MDN1: variants seen among roughly 807,000 people sequenced by gnomAD.
The protein encoded by MDN1 is midasin.
In MDN1, 266 loss-of-function variants were observed where a neutral mutation model predicts 669.2. That is an observed-to-expected ratio of 0.40 (90% CI 0.36 to 0.44). The LOEUF (loss-of-function observed/expected upper bound fraction) is 0.44, where lower values mean the gene tolerates loss of function less well. Ranked by LOEUF, MDN1 falls within the 20% of genes least tolerant of loss-of-function variation. The pLI, the probability that MDN1 is intolerant of heterozygous loss-of-function variation, is 1.00. For synonymous variants in MDN1, 2,385 were observed against 2,457.1 expected, an observed-to-expected ratio of 0.97 and a Z score of 0.87; for missense variants, 5,940 against 6,754.0, an observed-to-expected ratio of 0.88 and a Z score of 4.22.
Position 89,694,168 on chromosome 6 carries a change from A to G in MDN1, c.9787T>C (p.Cys3263Arg). ...GACAGGTTCCGGGTCTTCCATTCACACTGCAGTTGGTGTAACTAATGGAAA... is the reference window on the plus strand; with the variant it reads ...GACAGGTTCCGGGTCTTCCATTCACGCTGCAGTTGGTGTAACTAATGGAAA... ...YVKEELHQLQ[C>R]EWKTRNLSSQ... is the part of the protein sequence containing the mutation. Residue 3263 changes from cysteine (C) to arginine (R), a missense_variant, in exon 62 of 102, where the codon TGT (cysteine) becomes CGT (arginine). Physicochemically the swap from Cys to Arg is radical, Grantham distance 180. Around this residue, in one of 5 missense-constraint regions of MDN1, gnomAD observed 2,292 missense variants for 2,638.3 expected, o/e 0.87. Transcript: ENST00000369393. 6.2e-7 allele frequency: 1 copy of G among 1,613,996 alleles called. No individual in the cohort carries two copies. Among genetic ancestry groups the G allele is most frequent in the South Asian group, 1.1e-5 (1 of 91,076 alleles).
intron 1 of MDN1, among the ~76,000 whole-genome samples, chr6:89,810,921 G>A (rs371317399): frequency 6.6e-6 from 1 of 152,090 alleles, no homozygotes; most frequent in Non-Finnish European, 1.5e-5. Flanking sequence ...CCAAAGAGGC[G>A]GAGGTTGCAA....
At chr6:89,687,155 C>A in intron 68 of MDN1, 132 bp from the exon 69 acceptor site, 3 of 1,351,116 alleles carry the variant, frequency 2.2e-6, no homozygotes, top group South Asian at 1.4e-5. Context: ...AGTTTCCTCC[C>A]TCAAGAATAT....
In MDN1 at chr6:89,814,216, C is replaced by T. The variant is rs186764670; in HGVS notation, c.102+5290G>A. On this transcript the variant is annotated intron_variant, in intron 1 of 101. Coordinates refer to ENST00000369393, the MANE Select transcript of MDN1 (RefSeq NM_014611.3). ...CATGCTGGGAATGGGTGGTCAGACA[C>T]GCCTCATTATACTCTCTTCCCTTCA... Among the ~76,000 whole-genome samples the T allele has an allele frequency of 2.8e-4, 42 of 152,178 alleles. 1 individual carries two copies. Among genetic ancestry groups the T allele is most frequent in the African/African-American group, 9.2e-4 (38 of 41,524 alleles).
intron 35 of MDN1, among the ~76,000 whole-genome samples, chr6:89,730,255 A>G (rs577212164): frequency 1.3e-5 from 2 of 152,198 alleles, no homozygotes; most frequent in Admixed American, 6.5e-5. Flanking sequence ...CTGAGTGCCT[A>G]TGACTGTGAG....
At position 89,683,292 on chromosome 6, in the gene MDN1, A is replaced by G; in HGVS notation, c.11942T>C (p.Leu3981Pro). The change falls in exon 73 of 102, where the codon CTG (leucine) becomes CCG (proline). Residue 3981 changes from leucine (L) to proline (P), a missense_variant. By Grantham distance (98) the Leu-to-Pro change is moderately conservative. Around this residue, in one of 5 missense-constraint regions of MDN1, gnomAD observed 2,280 missense variants for 2,576.3 expected, o/e 0.88. Coordinates refer to ENST00000369393, the MANE Select transcript of MDN1 (RefSeq NM_014611.3). ...FKFMKKFEAV[L>P]SEPCRSSLVE... ...CAGGGATGACCGGCAGGGTTCACTC[A>G]GGACTGCTTCAAATTTCTTCATGAA... The G allele has an allele frequency of 6.2e-7, 1 of 1,614,244 alleles. No homozygotes were observed. Among genetic ancestry groups the G allele is most frequent in the Non-Finnish European group, 8.5e-7 (1 of 1,180,048 alleles).
intron 2 of MDN1, among the ~76,000 whole-genome samples, chr6:89,799,304 C>T (rs1004560853): frequency 4.6e-5 from 7 of 152,246 alleles, no homozygotes; most frequent in East Asian, 1.9e-4. Flanking sequence ...ATGTGGGGCA[C>T]GTGCCCAGCA....
At chr6:89,818,481 T>A (rs973068165) in intron 1 of MDN1, among the ~76,000 whole-genome samples, 153 of 146,508 alleles carry the variant, frequency 1.0e-3, no homozygotes, top group African/African-American at 1.6e-3. Context: ...AAAAAAAAAA[T>A]TTTTTTTTTA....
At position 89,652,217 on chromosome 6, in the gene MDN1, G is replaced by GGAAACATTTCCA. The variant is rs1808924890; in HGVS notation, c.15889_15890insTGGAAATGTTTC (p.Gln5296_Pro5297insLeuGluMetPhe). ...CTCCTCTGGGTTTCCAGATTCACGT[G>GGAAACATTTCCA]GCTGCCACATTTCCAGCTGTCTCTC... On this transcript the variant is annotated inframe_insertion, in exon 95 of 102. Transcript: ENST00000369393. The GGAAACATTTCCA allele has an allele frequency of 6.2e-7, 1 of 1,614,038 alleles. No individual in the cohort carries two copies. The highest frequency in any genetic ancestry group is 1.1e-5 in the South Asian group (1 of 91,064).
Position 89,718,585 on chromosome 6 carries a change from C to T in MDN1, c.6364G>A (p.Glu2122Lys), listed in dbSNP as rs1814587431. The change falls in exon 43 of 102, where the codon GAG becomes AAG. Residue 2122 changes from glutamate to lysine, a missense_variant. By Grantham distance (56) the Glu-to-Lys change is moderately conservative. Around this residue, in one of 5 missense-constraint regions of MDN1, gnomAD observed 2,292 missense variants for 2,638.3 expected, o/e 0.87. Coordinates refer to ENST00000369393, the MANE Select transcript of MDN1 (RefSeq NM_014611.3). ...RPWRRLLEKV[E>K]GTVRALLRDS... ...CTTAACAGTGCCCTTACAGTTCCCTCCACCTTCTCTAGCAGCCTCCTCCAA... is the reference window on the plus strand; with the variant it reads ...CTTAACAGTGCCCTTACAGTTCCCTTCACCTTCTCTAGCAGCCTCCTCCAA... 3 of 1,614,046 alleles carry T rather than the reference C, an allele frequency of 1.9e-6. No homozygotes were observed. The highest frequency in any genetic ancestry group is 1.3e-5 in the African/African-American group (1 of 74,928).
intron 8 of MDN1, among the ~76,000 whole-genome samples, chr6:89,786,780 G>C (rs1818983457): frequency 6.6e-6 from 1 of 151,670 alleles, no homozygotes; most frequent in African/African-American, 2.4e-5. Context: ...ACAAAAATTA[G>C]CCCGTGTGGT....
intron 84 of MDN1, among the ~76,000 whole-genome samples, chr6:89,666,021 A>G (rs1465000411): frequency 6.6e-6 from 1 of 152,136 alleles, no homozygotes; most frequent in Non-Finnish European, 1.5e-5. Flanking sequence ...AGCCTTGGGG[A>G]GAGAGCAAGA....
At chr6:89,734,403 T>C (rs1815788232) in intron 33 of MDN1, among the ~76,000 whole-genome samples, 1 of 150,360 alleles carries the variant, frequency 6.7e-6, no homozygotes, top group Non-Finnish European at 1.5e-5. Flanking sequence ...TTCACTATAT[T>C]TTTTAAAATG....
chr6:89,761,394 AT>A (rs1031534704), intron 17 of MDN1, among the ~76,000 whole-genome samples: 7 of 152,210 alleles, frequency 4.6e-5, no homozygotes, highest in Admixed American at 3.9e-4. Context: ...TTCATAAATC[AT>A]AACACCCTTT....
intron 36 of MDN1, among the ~76,000 whole-genome samples, chr6:89,728,336 A>G (rs1428270741): frequency 6.6e-6 from 1 of 152,198 alleles, no homozygotes; most frequent in East Asian, 1.9e-4. Context: ...TATTTCTACC[A>G]CTTTTTAAAA....
chr6:89,687,513 G>T, intron 67 of MDN1, 75 bp from the exon 68 acceptor site: 1 of 1,354,988 alleles, frequency 7.4e-7, no homozygotes, highest in Non-Finnish European at 1.0e-6. Context: ...AGAACATCTT[G>T]AACTTTGCTT....
intron 29 of MDN1, among the ~76,000 whole-genome samples, chr6:89,744,705 G>C (rs1382924409): frequency 6.6e-6 from 1 of 151,858 alleles, no homozygotes; most frequent in Non-Finnish European, 1.5e-5. Context: ...AACCAGCTGA[G>C]ACTCTGACTT....
intron 72 of MDN1, 79 bp from the exon 73 acceptor site, chr6:89,683,409 G>A (rs1811780541): frequency 1.6e-5 from 18 of 1,136,808 alleles, no homozygotes; most frequent in Non-Finnish European, 2.3e-5. Context: ...ACATTATCAT[G>A]CATCCATACA....
chr6:89,684,760 G>T, intron 71 of MDN1, 116 bp downstream of exon 71: 1 of 618,164 alleles, frequency 1.6e-6, no homozygotes, highest in Non-Finnish European at 2.8e-6. Context: ...CGGTGGCAAT[G>T]CTCACCTCTA....
chr6:89,781,681 A>G (rs1463903697), intron 9 of MDN1, 89 bp from the exon 10 acceptor site: 1 of 1,166,852 alleles, frequency 8.6e-7, no homozygotes, highest in Non-Finnish European at 1.2e-6. Flanking sequence ...GGTCAGCCAA[A>G]AATTGTATTT....
Sources: gnomAD v4.1 joint callset for allele counts (sites outside exome capture counted in the v4.1 genomes callset) on GRCh38, gnomAD v4.1.1 for gene constraint, gnomAD v4.1.1 regional missense constraint, MANE v1.5 for transcripts, NCBI Gene and HGNC (gene_info 2026-07-23, HGNC 2026-07-21) for gene names.